The following SCAMP1 variants were observed in gnomAD, a reference collection of about 807,000 sequenced individuals.
The protein encoded by SCAMP1 is secretory carrier membrane protein 1.
Under a neutral mutation model 41.8 loss-of-function variants are expected in SCAMP1, and 15 were observed. That is an observed-to-expected ratio of 0.36 (90% CI 0.24 to 0.55). The LOEUF (loss-of-function observed/expected upper bound fraction) is 0.55, where lower values mean the gene tolerates loss of function less well. Among genes scored for constraint, SCAMP1 ranks in the 20% least tolerant of loss-of-function variants. The pLI is 0.86. For missense variants in SCAMP1, 341 were observed against 412.6 expected (o/e 0.83, Z 1.50); for synonymous variants, 135 against 136.8 (o/e 0.99, Z 0.09).
intron 1 of SCAMP1, among the ~76,000 whole-genome samples, chr5:78,369,545 C>G (rs1047413482): frequency 6.6e-6 from 1 of 152,104 alleles, no homozygotes; most frequent in African/African-American, 2.4e-5. Context: ...AAAAAGTTTG[C>G]AATATTGCGA....
chr5:78,391,368 G>T (rs1369938463), intron 2 of SCAMP1, among the ~76,000 whole-genome samples: 1 of 150,506 alleles, frequency 6.6e-6, no homozygotes, highest in Non-Finnish European at 1.5e-5. Flanking sequence ...GGGCAGAGGC[G>T]CCCCTCACCT....
At chr5:78,411,703 T>C (rs182547098) in intron 2 of SCAMP1, among the ~76,000 whole-genome samples, 1 of 152,290 alleles carries the variant, frequency 6.6e-6, no homozygotes, top group Non-Finnish European at 1.5e-5. Context: ...GTTTTGCTTT[T>C]GTAAATAAAG....
intron 8 of SCAMP1, among the ~76,000 whole-genome samples, chr5:78,460,786 T>TTTGGTTTCTTTTC (rs1554047050): frequency 1.3e-4 from 6 of 46,510 alleles, no homozygotes; most frequent in African/African-American, 8.5e-4. Flanking sequence ...CCTTCCTTCC[T>TTTGGTTTCTTTTC]TCCTTCCTTC....
chr5:78,389,277 CTG>C (rs1456758545), intron 2 of SCAMP1, among the ~76,000 whole-genome samples: 1 of 151,964 alleles, frequency 6.6e-6, no homozygotes, highest in Non-Finnish European at 1.5e-5. Context: ...TACGTGGAAA[CTG>C]TGTAGAACTG....
At chr5:78,418,925 T>A (rs1470746209) in intron 5 of SCAMP1, 22 bp downstream of exon 5, 3 of 1,538,910 alleles carry the variant, frequency 1.9e-6, no homozygotes, top group Non-Finnish European at 2.6e-6. Context: ...ACAATTTACA[T>A]CTTTGCTTAG....
At chr5:78,412,590 G>A (rs1752107135) in intron 2 of SCAMP1, among the ~76,000 whole-genome samples, 1 of 151,870 alleles carries the variant, frequency 6.6e-6, no homozygotes, top group African/African-American at 2.4e-5. Flanking sequence ...TCCAATTTTG[G>A]TATTGTCAGA....
chr5:78,469,930 A>AAAAAAAAAAAAAAAAAAAAAAC, intron 8 of SCAMP1, among the ~76,000 whole-genome samples: 1 of 21,056 alleles, frequency 4.7e-5, no homozygotes, highest in Non-Finnish European at 9.5e-5. Context: ...AAAAAAAAAA[A>AAAAAAAAAAAAAAAAAAAAAAC]AACAACAACA....
At chr5:78,471,702 A>G (rs1753886921) in intron 8 of SCAMP1, among the ~76,000 whole-genome samples, 1 of 152,174 alleles carries the variant, frequency 6.6e-6, no homozygotes, top group Admixed American at 6.6e-5. Flanking sequence ...AGCTGCATTA[A>G]GGAGGCAGGA....
chr5:78,395,222 A>T (rs140993137), intron 2 of SCAMP1, among the ~76,000 whole-genome samples: 116 of 152,308 alleles, frequency 7.6e-4, no homozygotes, highest in African/African-American at 2.5e-3. Context: ...CAGAAAGTAC[A>T]GAGTACCAGT....
rs59969661 is a variant in SCAMP1 at position 78,409,422 on chromosome 5, T to TACACACACAC, written c.136-6081_136-6072dup. On this transcript the variant is annotated intron_variant, in intron 2 of 8. Transcript: ENST00000621999. The stretch of plus-strand genomic sequence containing the variant: ...AGATAGAGACAGAGACACATATAGA[T>TACACACACAC]ACACACACACACACACACACACACA... Among the ~76,000 whole-genome samples the TACACACACAC allele has an allele frequency of 1.9e-3, 290 of 148,906 alleles. 1 individual carries two copies. Among genetic ancestry groups the TACACACACAC allele is most frequent in the African/African-American group, 6.6e-3 (267 of 40,590 alleles).
At chr5:78,410,855 G>A (rs1752058290) in intron 2 of SCAMP1, among the ~76,000 whole-genome samples, 1 of 152,042 alleles carries the variant, frequency 6.6e-6, no homozygotes, top group Non-Finnish European at 1.5e-5. Context: ...GGTGTGAGAC[G>A]GTATCTCATT....
intron 2 of SCAMP1, among the ~76,000 whole-genome samples, chr5:78,411,486 A>G (rs1752075724): frequency 6.6e-6 from 1 of 152,156 alleles, no homozygotes; most frequent in Non-Finnish European, 1.5e-5. Flanking sequence ...CCCTATTAAC[A>G]TTTTGATATA....
At chr5:78,389,469 A>G (rs898355375) in intron 2 of SCAMP1, among the ~76,000 whole-genome samples, 3 of 152,154 alleles carry the variant, frequency 2.0e-5, no homozygotes, top group African/African-American at 2.4e-5. Flanking sequence ...AGTGTCTTCT[A>G]TGTTCCCCAG....
At chr5:78,393,452 G>A (rs942178040) in intron 2 of SCAMP1, among the ~76,000 whole-genome samples, 1 of 152,198 alleles carries the variant, frequency 6.6e-6, no homozygotes, top group African/African-American at 2.4e-5. Flanking sequence ...GATTTTAGGT[G>A]TGAGCTACAG....
chr5:78,399,057 T>G (rs1470443300), intron 2 of SCAMP1, among the ~76,000 whole-genome samples: 1 of 152,230 alleles, frequency 6.6e-6, no homozygotes, highest in Non-Finnish European at 1.5e-5. Context: ...GTCATATAGT[T>G]GGAATCATAC....
At chr5:78,424,494 C>T (rs952013515) in intron 6 of SCAMP1, among the ~76,000 whole-genome samples, 8 of 152,140 alleles carry the variant, frequency 5.3e-5, no homozygotes, top group African/African-American at 1.9e-4. Context: ...CTTTGGGAGG[C>T]AGAGGCTGGC....
intron 2 of SCAMP1, among the ~76,000 whole-genome samples, chr5:78,406,470 TA>T (rs1445345326): frequency 6.6e-6 from 1 of 152,194 alleles, no homozygotes; most frequent in Non-Finnish European, 1.5e-5. Context: ...GGAGAAAATA[TA>T]TTTGCTTATG....
At chr5:78,463,242 C>T (rs1186269168) in intron 8 of SCAMP1, among the ~76,000 whole-genome samples, 2 of 152,242 alleles carry the variant, frequency 1.3e-5, no homozygotes. Context: ...TTCTACACCA[C>T]AGATGGCTCC....
At chr5:78,420,521 T>C (rs1230206926) in intron 5 of SCAMP1, among the ~76,000 whole-genome samples, 2 of 151,812 alleles carry the variant, frequency 1.3e-5, no homozygotes, top group African/African-American at 4.9e-5. Flanking sequence ...TTCCTGAGAG[T>C]TAAAAATCCT....
Sources: allele counts gnomAD v4.1 joint callset (sites outside exome capture counted in the v4.1 genomes callset), GRCh38; gene constraint gnomAD v4.1.1; transcripts MANE v1.5; gene names NCBI Gene and HGNC (gene_info 2026-07-23, HGNC 2026-07-21).